Variants in ZDHHC20 observed in about 807,000 individuals in gnomAD.
ZDHHC20 encodes zDHHC palmitoyltransferase 20.
ZDHHC20 carries 43 observed loss-of-function variants against 57.8 expected under a neutral mutation model. The observed-to-expected ratio is 0.74, with a 90% CI of 0.58 to 0.96. ZDHHC20 has a LOEUF of 0.96. Among genes scored for constraint, ZDHHC20 ranks in the 40% least tolerant of loss-of-function variants. The pLI is 0.00. For synonymous variants in ZDHHC20, 157 were observed against 153.0 expected (o/e 1.03, Z -0.19); for missense variants, 391 against 441.1 (o/e 0.89, Z 1.02).
Position 21,389,407 on chromosome 13 carries a change from CCTTTT to C in ZDHHC20, c.728-1778_728-1774del, listed in dbSNP as rs144650914. 4.3e-3 allele frequency among the ~76,000 whole-genome samples: 662 copies of C among 152,186 alleles called. 2 individuals are homozygous for C. The highest frequency in any genetic ancestry group is 0.015 in the African/African-American group (622 of 41,530). On this transcript the variant is annotated intron_variant, in intron 8 of 12. Coordinates refer to ENST00000400590, the MANE Select transcript of ZDHHC20 (RefSeq NM_001330059.2). Reference sequence around the variant, plus strand: ...ACTGAGTGACTTGCAACCCGCATTTCCTTTTAAGAAACTAGAAAAGAAAATATCAG... The same window carrying C: ...ACTGAGTGACTTGCAACCCGCATTTCAAGAAACTAGAAAAGAAAATATCAG...
rs749278556 is a variant in ZDHHC20 at position 21,387,518 on chromosome 13, T to C, written c.844A>G (p.Ile282Val). The part of the protein sequence containing the change: ...GDEKKYWLLP[I>V]FSSLGDGCSF... ...CATTTTATAAATTACCTTGAAAATATTGGAAGTAGCCAATATTTCTTTTCA... is the reference window on the plus strand; with the variant it reads ...CATTTTATAAATTACCTTGAAAATACTGGAAGTAGCCAATATTTCTTTTCA... Residue 282 changes from isoleucine (I) to valine (V), a missense_variant, in exon 9 of 13, where the codon ATA becomes GTA. Ile to Val is a conservative substitution (Grantham distance 29). This residue lies in a region of ZDHHC20 where 197 missense variants were observed against 220.8 expected (regional missense o/e 0.89). Transcript: ENST00000400590. The C allele has an allele frequency of 1.6e-5, 25 of 1,531,118 alleles. No individual in the cohort carries two copies. Among genetic ancestry groups the C allele is most frequent in the African/African-American group, 5.5e-5 (4 of 72,196 alleles). 94.8% of individuals were successfully genotyped at this position (1,531,118 alleles called of 1,614,324 possible).
intron 11 of ZDHHC20, 25 bp downstream of exon 11, chr13:21,381,409 C>T (rs998095048): frequency 6.6e-7 from 1 of 1,521,536 alleles, no homozygotes; most frequent in Non-Finnish European, 9.1e-7. Flanking sequence ...CCAGACAAAG[C>T]AGTGTTTCAA....
At chr13:21,423,275 C>T (rs773611329) in intron 2 of ZDHHC20, among the ~76,000 whole-genome samples, 2 of 152,194 alleles carry the variant, frequency 1.3e-5, no homozygotes, top group Non-Finnish European at 2.9e-5. Context: ...CTTGTTTCCA[C>T]TAACATTGAT....
chr13:21,455,432 A>C (rs1230637787), intron 1 of ZDHHC20, among the ~76,000 whole-genome samples: 2 of 152,216 alleles, frequency 1.3e-5, no homozygotes, highest in Admixed American at 6.5e-5. Flanking sequence ...AAAGAGAAGA[A>C]GTTATTCAAT....
At chr13:21,387,023 A>T (rs958141708) in intron 9 of ZDHHC20, among the ~76,000 whole-genome samples, 21 of 152,336 alleles carry the variant, frequency 1.4e-4, no homozygotes, top group African/African-American at 4.8e-4. Flanking sequence ...TTTGGTATAT[A>T]GCTGGCCTAA....
chr13:21,400,523 A>T (rs1285816102), intron 6 of ZDHHC20, 30 bp from the exon 7 acceptor site: 1 of 1,525,170 alleles, frequency 6.6e-7, no homozygotes, highest in South Asian at 1.3e-5. Flanking sequence ...CACATTATAA[A>T]AGTAAGACAA....
chr13:21,437,596 G>A (rs990582016), intron 1 of ZDHHC20, among the ~76,000 whole-genome samples: 1 of 152,140 alleles, frequency 6.6e-6, no homozygotes, highest in African/African-American at 2.4e-5. Context: ...AAAACCCTAG[G>A]GCTCTGAAGA....
At chr13:21,391,237 G>A (rs1387818205) in intron 8 of ZDHHC20, among the ~76,000 whole-genome samples, 1 of 152,114 alleles carries the variant, frequency 6.6e-6, no homozygotes, top group Non-Finnish European at 1.5e-5. Context: ...AAAGTGCTGG[G>A]ATTACAGGTG....
At position 21,412,536 on chromosome 13, in the gene ZDHHC20, A is replaced by G. The variant is rs532527909; in HGVS notation, c.370+1116T>C. ...AAACTACTGAAAAACACAAAGAGGA[A>G]AGCGTTTCAAGAAGACAGAATGACA... On this transcript the variant is annotated intron_variant, in intron 4 of 12. Transcript: ENST00000400590. 2.0e-4 allele frequency among the ~76,000 whole-genome samples: 31 copies of G among 152,322 alleles called. No homozygotes were observed. The South Asian group carries it at 6.0e-3, about 30-fold the overall frequency.
At chr13:21,400,351 C>A in intron 7 of ZDHHC20, 22 bp downstream of exon 7, 1 of 1,564,702 alleles carries the variant, frequency 6.4e-7, no homozygotes, top group South Asian at 1.2e-5. Flanking sequence ...ATACATGTTT[C>A]AAGATAGAAA....
At chr13:21,386,439 C>CT (rs1229787286) in intron 9 of ZDHHC20, among the ~76,000 whole-genome samples, 1 of 152,156 alleles carries the variant, frequency 6.6e-6, no homozygotes, top group Non-Finnish European at 1.5e-5. Context: ...TAGTGATAGT[C>CT]TTAAAAGTAG....
At chr13:21,436,263 T>A (rs1185815363) in intron 1 of ZDHHC20, among the ~76,000 whole-genome samples, 1 of 152,236 alleles carries the variant, frequency 6.6e-6, no homozygotes, top group Non-Finnish European at 1.5e-5. Flanking sequence ...CAAAATGTTA[T>A]AATGACACAG....
At chr13:21,413,973 A>C (rs1593231505) in intron 3 of ZDHHC20, among the ~76,000 whole-genome samples, 1 of 152,206 alleles carries the variant, frequency 6.6e-6, no homozygotes, top group African/African-American at 2.4e-5. Context: ...TTTGCCCTCC[A>C]CACCAGATGG....
At chr13:21,394,356 C>T (rs571321204) in intron 7 of ZDHHC20, among the ~76,000 whole-genome samples, 1 of 152,296 alleles carries the variant, frequency 6.6e-6, no homozygotes, top group South Asian at 2.1e-4. Flanking sequence ...ATAAGGTCTA[C>T]CCTGACTGTG....
intron 1 of ZDHHC20, among the ~76,000 whole-genome samples, chr13:21,446,345 T>C (rs1883697416): frequency 6.6e-6 from 1 of 152,206 alleles, no homozygotes; most frequent in African/African-American, 2.4e-5. Context: ...AATATTTTGG[T>C]GTATTTGGTA....
intron 6 of ZDHHC20, 80 bp from the exon 7 acceptor site, chr13:21,400,573 C>A (rs1206266068): frequency 2.1e-6 from 3 of 1,432,682 alleles, no homozygotes; most frequent in African/African-American, 2.9e-5. Context: ...ATGGAGGCTG[C>A]CAGGGGCTGG....
chr13:21,433,959 GT>G (rs771161334), intron 1 of ZDHHC20, among the ~76,000 whole-genome samples: 170 of 152,190 alleles, frequency 1.1e-3, no homozygotes, highest in Non-Finnish European at 9.6e-4. Context: ...ATATGTTTTA[GT>G]TTTTTTATTG....
In ZDHHC20 at chr13:21,374,269, G is replaced by A. The variant is rs1033963299; in HGVS notation, c.*2427C>T. On this transcript the variant is annotated 3_prime_UTR_variant, in exon 13 of 13. Transcript: ENST00000400590. ...GAGATGGAGTTTCACTCGTCGCCCA[G>A]GCTGGAGTGCAGTGGCACGATCTCG... 6.5e-6 allele frequency: 2 copies of A among 309,336 alleles called. No homozygotes were observed. Among genetic ancestry groups the A allele is most frequent in the Non-Finnish European group, 1.4e-5 (2 of 147,288 alleles). The allele number at this position is 309,336 out of a possible 1,614,324, so 19.2% of individuals were successfully genotyped here. A position where few individuals can be genotyped will look rare whatever the true frequency, so the allele number is the denominator to read the frequency against.
intron 2 of ZDHHC20, among the ~76,000 whole-genome samples, chr13:21,424,516 T>C (rs1336565794): frequency 6.6e-6 from 1 of 152,138 alleles, no homozygotes; most frequent in African/African-American, 2.4e-5. Context: ...GAGACCATCC[T>C]GACTAACACA....
Sources: allele counts gnomAD v4.1 joint callset (sites outside exome capture counted in the v4.1 genomes callset), GRCh38; gene constraint gnomAD v4.1.1; regional missense constraint gnomAD v4.1.1; transcripts MANE v1.5; gene names NCBI Gene and HGNC (gene_info 2026-07-23, HGNC 2026-07-21).